Variants in GRM8 observed in about 807,000 individuals in gnomAD.
The protein encoded by GRM8 is metabotropic glutamate receptor 8.
A neutral mutation model predicts 87.2 loss-of-function variants in GRM8; 47 were observed. The ratio of observed to expected loss-of-function variants is 0.54; its 90% CI spans 0.43 to 0.69. GRM8 has a LOEUF of 0.69. Among genes scored for constraint, GRM8 ranks in the 30% least tolerant of loss-of-function variants. The pLI is 0.00. For missense variants in GRM8, 1,019 were observed against 1,139.2 expected (o/e 0.89, Z 1.52); for synonymous variants, 396 against 404.5 (o/e 0.98, Z 0.25).
At chr7:126,922,045 C>G (rs1319170346) in intron 3 of GRM8, among the ~76,000 whole-genome samples, 1 of 152,022 alleles carries the variant, frequency 6.6e-6, no homozygotes, top group Non-Finnish European at 1.5e-5. Context: ...AGAAAAGAAA[C>G]TGAATGGATG....
intron 8 of GRM8, among the ~76,000 whole-genome samples, chr7:126,581,483 G>A (rs145183417): frequency 1.3e-5 from 2 of 152,060 alleles, no homozygotes; most frequent in Non-Finnish European, 2.9e-5. Context: ...GGAGTCTCAG[G>A]AAATGAATAA....
chr7:127,239,499 A>T lies in GRM8; in HGVS notation c.510+3196T>A, dbSNP rs148624265. 6.2e-3 allele frequency among the ~76,000 whole-genome samples: 942 copies of T among 152,330 alleles called. 9 individuals are homozygous for T. Among genetic ancestry groups the T allele is most frequent in the African/African-American group, 0.021 (891 of 41,570 alleles). ...GTCTTTTGCTACCCTGAAAGGGCCT[A>T]AGCTTGAGAAAACTGTCCTAAAACT... On this transcript the variant is annotated intron_variant, in intron 2 of 10. Transcript: ENST00000339582.
chr7:127,227,885 T>C (rs1256261019), intron 2 of GRM8, among the ~76,000 whole-genome samples: 1 of 152,232 alleles, frequency 6.6e-6, no homozygotes, highest in East Asian at 1.9e-4. Flanking sequence ...CTGAGGCCAC[T>C]GCCCACCATG....
chr7:126,532,523 C>T (rs1264304619), intron 9 of GRM8, among the ~76,000 whole-genome samples: 1 of 152,010 alleles, frequency 6.6e-6, no homozygotes, highest in African/African-American at 2.4e-5. Context: ...CATGCAGTGG[C>T]ATATCTCGGG....
At chr7:126,742,082 C>T (rs567153328) in intron 7 of GRM8, among the ~76,000 whole-genome samples, 14 of 151,998 alleles carry the variant, frequency 9.2e-5, no homozygotes, top group African/African-American at 2.9e-4. Flanking sequence ...AGTACAGGCG[C>T]GTTTCATACC....
At chr7:127,030,773 T>C (rs187244715) in intron 3 of GRM8, among the ~76,000 whole-genome samples, 2 of 152,284 alleles carry the variant, frequency 1.3e-5, no homozygotes, top group Admixed American at 6.5e-5. Context: ...TTTAACCTAT[T>C]TCGGCCAACT....
intron 9 of GRM8, among the ~76,000 whole-genome samples, chr7:126,469,040 TC>T (rs1241736091): frequency 6.6e-6 from 1 of 152,152 alleles, no homozygotes; most frequent in Non-Finnish European, 1.5e-5. Context: ...AATCTTTGTT[TC>T]AGCATTTATT....
intron 3 of GRM8, among the ~76,000 whole-genome samples, chr7:127,000,871 T>C (rs1159246781): frequency 6.6e-6 from 1 of 151,700 alleles, no homozygotes; most frequent in Non-Finnish European, 1.5e-5. Flanking sequence ...TTTTTTACTA[T>C]ACTAAAACAC....
At chr7:126,505,125 A>C (rs6943531) in intron 9 of GRM8, among the ~76,000 whole-genome samples, 62,729 of 151,784 alleles carry the variant, frequency 0.41, 13,060 homozygotes, top group Middle Eastern at 0.45. Context: ...ATGCAAGCAA[A>C]CCTTCACTAG....
At chr7:126,453,230 G>C (rs1483748439) in intron 9 of GRM8, among the ~76,000 whole-genome samples, 1 of 151,762 alleles carries the variant, frequency 6.6e-6, no homozygotes, top group East Asian at 2.0e-4. Flanking sequence ...ACCGTCCTGA[G>C]TGTTGTGTTT....
intron 2 of GRM8, among the ~76,000 whole-genome samples, chr7:127,122,069 A>T (rs983924049): frequency 3.3e-5 from 5 of 152,190 alleles, no homozygotes; most frequent in African/African-American, 1.2e-4. Flanking sequence ...TCATACACCT[A>T]CTTTACCTTA....
At chr7:127,222,866 C>T (rs911820036) in intron 2 of GRM8, among the ~76,000 whole-genome samples, 4 of 152,148 alleles carry the variant, frequency 2.6e-5, no homozygotes, top group African/African-American at 9.7e-5. Context: ...AGTGACTGGG[C>T]CACTTCACCA....
At chr7:126,814,920 A>G (rs567305478) in intron 6 of GRM8, among the ~76,000 whole-genome samples, 2 of 152,208 alleles carry the variant, frequency 1.3e-5, no homozygotes, top group African/African-American at 4.8e-5. Flanking sequence ...TTGTACCTAC[A>G]TGGACAAATG....
At chr7:126,741,945 ACAGT>A (rs1176212895) in intron 7 of GRM8, among the ~76,000 whole-genome samples, 1 of 152,130 alleles carries the variant, frequency 6.6e-6, no homozygotes, top group Non-Finnish European at 1.5e-5. Flanking sequence ...CACATCCATT[ACAGT>A]CATCCATCCC....
intron 2 of GRM8, among the ~76,000 whole-genome samples, chr7:127,198,888 TG>T (rs1795437913): frequency 6.7e-6 from 1 of 150,322 alleles, no homozygotes; most frequent in Non-Finnish European, 1.5e-5. Context: ...TTGCCCAGGC[TG>T]GAGTGCAATG....
rs513 is a variant in GRM8 at position 126,456,519 on chromosome 7, T to TAAAAAAAAAAAA, written c.2431-10159_2431-10148dup. On this transcript the variant is annotated intron_variant, in intron 9 of 10. Transcript: ENST00000339582. Reference sequence around the variant, plus strand: ...TCCTAAGTGTAAGAAAGCAGCAAGCTAAAAAAAAAAAAAAAAAAAAAAAAA... The same window carrying TAAAAAAAAAAAA: ...TCCTAAGTGTAAGAAAGCAGCAAGCTAAAAAAAAAAAAAAAAAAAAAAAAAAAAAAAAAAAAA... 3.1e-3 allele frequency among the ~76,000 whole-genome samples: 216 copies of TAAAAAAAAAAAA among 69,650 alleles called. 12 individuals carry two copies. Among genetic ancestry groups the TAAAAAAAAAAAA allele is most frequent in the African/African-American group, 4.7e-3 (57 of 12,054 alleles). 45.7% of individuals were successfully genotyped at this position (69,650 alleles called of 152,430 possible). A position where few individuals can be genotyped will look rare whatever the true frequency, so the allele number is the denominator to read the frequency against.
At chr7:126,893,974 CTA>C (rs755996511) in intron 6 of GRM8, among the ~76,000 whole-genome samples, 32 of 152,014 alleles carry the variant, frequency 2.1e-4, no homozygotes, top group Non-Finnish European at 4.4e-4. Context: ...CAAATCATAT[CTA>C]TGAGACTCTC....
rs551479756 is a variant in GRM8 at position 126,999,950 on chromosome 7, G to A, written c.728-95267C>T. On this transcript the variant is annotated intron_variant, in intron 3 of 10. Coordinates refer to ENST00000339582, the MANE Select transcript of GRM8 (RefSeq NM_000845.3). ...TAGCTTCACTCCCATGTTTGTTGCA[G>A]CACTGTTCACAATAGCCAATAGCCA... 2.6e-4 allele frequency among the ~76,000 whole-genome samples: 40 copies of A among 151,950 alleles called. 1 individual carries two copies. Among genetic ancestry groups the A allele is most frequent in the African/African-American group, 8.9e-4 (37 of 41,522 alleles).
intron 8 of GRM8, among the ~76,000 whole-genome samples, chr7:126,588,948 G>T (rs774695967): frequency 3.9e-5 from 6 of 152,130 alleles, no homozygotes; most frequent in Non-Finnish European, 8.8e-5. Flanking sequence ...TAGAGGAAGT[G>T]CCAGAAGAGC....
Sources: gnomAD v4.1 joint callset for allele counts (sites outside exome capture counted in the v4.1 genomes callset) on GRCh38, gnomAD v4.1.1 for gene constraint, MANE v1.5 for transcripts, NCBI Gene and HGNC (gene_info 2026-07-23, HGNC 2026-07-21) for gene names.